KCNH8: variants seen among roughly 807,000 people sequenced by gnomAD.
KCNH8 encodes the protein voltage-gated delayed rectifier potassium channel KCNH8.
A neutral mutation model predicts 103.6 loss-of-function variants in KCNH8; 70 were observed. The ratio of observed to expected loss-of-function variants is 0.68; its 90% CI spans 0.56 to 0.82. The LOEUF (loss-of-function observed/expected upper bound fraction) is 0.82, where lower values mean the gene tolerates loss of function less well. KCNH8 is among the 40% of genes least tolerant of loss of function. KCNH8 has a pLI of 0.00. For synonymous variants in KCNH8, 498 were observed against 489.4 expected (o/e 1.02, Z -0.23); for missense variants, 1,217 against 1,329.9 (o/e 0.92, Z 1.32).
intron 1 of KCNH8, among the ~76,000 whole-genome samples, chr3:19,229,489 C>T (rs1368979640): frequency 6.6e-6 from 1 of 151,966 alleles, no homozygotes; most frequent in Non-Finnish European, 1.5e-5. Context: ...GGCTTGCACC[C>T]TCTGAAGCCA....
chr3:19,239,643 T>G (rs1575460475), intron 1 of KCNH8, among the ~76,000 whole-genome samples: 1 of 120,286 alleles, frequency 8.3e-6, no homozygotes, highest in African/African-American at 2.8e-5. Context: ...GGAATCTATC[T>G]ATCTATCTAT....
At chr3:19,340,155 G>A (rs1045018505) in intron 3 of KCNH8, among the ~76,000 whole-genome samples, 9 of 151,930 alleles carry the variant, frequency 5.9e-5, no homozygotes, top group Middle Eastern at 3.2e-3. Context: ...AGAGCCTGGC[G>A]CACAGTAGGC....
At chr3:19,333,599 C>CA (rs1193130602) in intron 3 of KCNH8, among the ~76,000 whole-genome samples, 56 of 152,136 alleles carry the variant, frequency 3.7e-4, no homozygotes, top group Admixed American at 2.9e-3. Flanking sequence ...CTCATAGTAA[C>CA]AAAATTAACA....
chr3:19,503,328 T>G lies in KCNH8; in HGVS notation c.2041-7035T>G, dbSNP rs375822759. 5.9e-5 allele frequency among the ~76,000 whole-genome samples: 9 copies of G among 152,176 alleles called. No individual in the cohort carries two copies. In the East Asian group the frequency reaches 1.2e-3, roughly 20 times the overall value. On this transcript the variant is annotated intron_variant, in intron 11 of 15. Transcript: ENST00000328405. Reference sequence around the variant, plus strand: ...AATAGGAACACTTTTACACTGTTGGTGGGACTGCAACCTAGTTCAACCATT... The same window carrying G: ...AATAGGAACACTTTTACACTGTTGGGGGGACTGCAACCTAGTTCAACCATT...
At chr3:19,198,005 A>C (rs2063619027) in intron 1 of KCNH8, among the ~76,000 whole-genome samples, 1 of 152,056 alleles carries the variant, frequency 6.6e-6, no homozygotes, top group South Asian at 2.1e-4. Flanking sequence ...GTTTGCAGCA[A>C]GGTGTGGGAA....
At chr3:19,218,130 C>G (rs910363209) in intron 1 of KCNH8, among the ~76,000 whole-genome samples, 1 of 152,142 alleles carries the variant, frequency 6.6e-6, no homozygotes, top group Non-Finnish European at 1.5e-5. Flanking sequence ...AAATAGAAGA[C>G]CTATGTACTG....
At chr3:19,349,160 A>G (rs2065766762) in intron 5 of KCNH8, among the ~76,000 whole-genome samples, 2 of 152,080 alleles carry the variant, frequency 1.3e-5, no homozygotes, top group South Asian at 2.1e-4. Flanking sequence ...GCAGACGGCA[A>G]TTTTATTTTT....
intron 5 of KCNH8, among the ~76,000 whole-genome samples, chr3:19,358,558 A>T (rs1574964613): frequency 6.6e-6 from 1 of 152,028 alleles, no homozygotes; most frequent in Admixed American, 6.6e-5. Flanking sequence ...TAGATTAACC[A>T]TTGGGTGAAA....
rs756838989 is a variant in KCNH8 at position 19,281,338 on chromosome 3, C to T, written c.442+9C>T. On this transcript the variant is annotated intron_variant, in intron 3 of 15. Transcript: ENST00000328405. ...AGAAGATAAAAAAGAAGGTTTGTACCGTTTTCAGAAAACATTGACAGATGG... is the reference window on the plus strand; with the variant it reads ...AGAAGATAAAAAAGAAGGTTTGTACTGTTTTCAGAAAACATTGACAGATGG... 8.2e-6 allele frequency: 13 copies of T among 1,577,652 alleles called. No individual in the cohort carries two copies. Among genetic ancestry groups the T allele is most frequent in the African/African-American group, 4.1e-5 (3 of 72,426 alleles).
At chr3:19,350,315 A>G (rs2065782820) in intron 5 of KCNH8, among the ~76,000 whole-genome samples, 1 of 152,092 alleles carries the variant, frequency 6.6e-6, no homozygotes, top group Non-Finnish European at 1.5e-5. Context: ...TGTTCATACC[A>G]TTTAATATTT....
chr3:19,236,772 A>AG (rs1553627323), intron 1 of KCNH8, among the ~76,000 whole-genome samples: 2 of 152,224 alleles, frequency 1.3e-5, no homozygotes, highest in African/African-American at 4.8e-5. Flanking sequence ...GGAAAAAAAA[A>AG]GCCAAAGGAG....
At chr3:19,438,644 A>G (rs917295152) in intron 8 of KCNH8, among the ~76,000 whole-genome samples, 1 of 152,156 alleles carries the variant, frequency 6.6e-6, no homozygotes, top group Non-Finnish European at 1.5e-5. Context: ...CATCCAGCTT[A>G]CTGTTTTATC....
intron 2 of KCNH8, among the ~76,000 whole-genome samples, chr3:19,274,727 T>C (rs1393353991): frequency 6.6e-6 from 1 of 151,840 alleles, no homozygotes; most frequent in South Asian, 2.1e-4. Context: ...ATGAATAAAG[T>C]ACTTTTATTT....
At chr3:19,255,848 T>C (rs1374578496) in intron 2 of KCNH8, among the ~76,000 whole-genome samples, 1 of 152,072 alleles carries the variant, frequency 6.6e-6, no homozygotes, top group Non-Finnish European at 1.5e-5. Flanking sequence ...AGAAAACCAG[T>C]TTCAACCATT....
chr3:19,164,056 C>G (rs2063259338), intron 1 of KCNH8, among the ~76,000 whole-genome samples: 1 of 152,000 alleles, frequency 6.6e-6, no homozygotes, highest in African/African-American at 2.4e-5. Context: ...GGGAGGTGCC[C>G]CTAGTTCAAG....
At chr3:19,189,050 A>G (rs144691589) in intron 1 of KCNH8, among the ~76,000 whole-genome samples, 93 of 152,164 alleles carry the variant, frequency 6.1e-4, no homozygotes, top group African/African-American at 2.1e-3. Flanking sequence ...CTGCTTCTAA[A>G]ACCCTAGATA....
rs142414323 is a variant in KCNH8 at position 19,151,569 on chromosome 3, T to C, written c.76+2774T>C. On this transcript the variant is annotated intron_variant, in intron 1 of 15. Transcript: ENST00000328405. Reference sequence around the variant, plus strand: ...ATTTTATTGGAGAATAATAAAACAATGTAAGACATCATCTGAAAATCCTCC... The same window carrying C: ...ATTTTATTGGAGAATAATAAAACAACGTAAGACATCATCTGAAAATCCTCC... Among the ~76,000 whole-genome samples, 245 of 152,166 alleles carry C rather than the reference T, an allele frequency of 1.6e-3. 2 individuals are homozygous for C. The highest frequency in any genetic ancestry group is 2.9e-3 in the Non-Finnish European group (199 of 67,954).
intron 1 of KCNH8, among the ~76,000 whole-genome samples, chr3:19,246,274 GTTTT>G (rs920423108): frequency 1.2e-5 from 1 of 86,346 alleles, no homozygotes; most frequent in East Asian, 3.2e-4. Context: ...TGTTGTTGTT[GTTTT>G]TTTTTTTTTT....
Position 19,253,702 on chromosome 3 carries a change from T to C in KCNH8, c.125T>C (p.Ile42Thr), listed in dbSNP as rs1442889699. The change falls in exon 2 of 16, where the codon ATA (isoleucine) becomes ACA (threonine). Residue 42 changes from isoleucine to threonine, a missense_variant. By Grantham distance (89) the Ile-to-Thr change is moderately conservative (BLOSUM62 -1). This residue lies in a region of KCNH8 where 244 missense variants were observed against 256.8 expected (regional missense o/e 0.95). Coordinates refer to ENST00000328405, the MANE Select transcript of KCNH8 (RefSeq NM_144633.3). Reference protein sequence around the residue: ...ANAQVAKGFPIVYCSDGFCEL... With the variant: ...ANAQVAKGFPTVYCSDGFCEL... Reference sequence around the variant, plus strand: ...GCCCAGGTGGCTAAGGGTTTCCCCATAGTCTACTGTTCCGATGGCTTCTGC... The same window carrying C: ...GCCCAGGTGGCTAAGGGTTTCCCCACAGTCTACTGTTCCGATGGCTTCTGC... The C allele has an allele frequency of 1.2e-6, 2 of 1,613,756 alleles. No homozygotes were observed. The highest frequency in any genetic ancestry group is 1.7e-6 in the Non-Finnish European group (2 of 1,179,888).
Sources: allele counts gnomAD v4.1 joint callset (sites outside exome capture counted in the v4.1 genomes callset), GRCh38; gene constraint gnomAD v4.1.1; regional missense constraint gnomAD v4.1.1; transcripts MANE v1.5; gene names NCBI Gene and HGNC (gene_info 2026-07-23, HGNC 2026-07-21).